Variants in ARMC8 observed in about 807,000 individuals in gnomAD.
ARMC8 encodes armadillo repeat-containing protein 8.
ARMC8 carries 20 observed loss-of-function variants against 99.3 expected under a neutral mutation model. The ratio of observed to expected loss-of-function variants is 0.20; its 90% CI spans 0.14 to 0.29. ARMC8 has a LOEUF of 0.29. Ranked by LOEUF, ARMC8 falls within the 10% of genes least tolerant of loss-of-function variation. ARMC8 has a pLI of 1.00. For missense variants in ARMC8, 569 were observed against 809.5 expected (o/e 0.70, Z 3.60); for synonymous variants, 263 against 278.3 (o/e 0.95, Z 0.55).
At chr3:138,268,081 A>G (rs2048442698) in intron 15 of ARMC8, among the ~76,000 whole-genome samples, 1 of 152,210 alleles carries the variant, frequency 6.6e-6, no homozygotes, top group South Asian at 2.1e-4. Flanking sequence ...CATCTCTGCT[A>G]AAAGTACAAA....
chr3:138,231,960 G>GC (rs2046060802), intron 6 of ARMC8, among the ~76,000 whole-genome samples: 5 of 65,916 alleles, frequency 7.6e-5, no homozygotes, highest in Non-Finnish European at 2.7e-5. Context: ...CCTTGCAATT[G>GC]CTTTTTTTTT....
In ARMC8 at chr3:138,284,413, C is replaced by T; in HGVS notation, c.1726-18C>T. ...ACTTCAGAGCTTTCCTGACTGTTGG[C>T]CCTTTGTTCTTTTCCAGACACTGTG... On this transcript the variant is annotated intron_variant, in intron 18 of 21. Transcript: ENST00000469044. 1 of 1,595,156 alleles carries T rather than the reference C, an allele frequency of 6.3e-7. No individual in the cohort carries two copies. Among genetic ancestry groups the T allele is most frequent in the Non-Finnish European group, 8.6e-7 (1 of 1,163,134 alleles).
chr3:138,206,925 A>G (rs2044402363), intron 1 of ARMC8, among the ~76,000 whole-genome samples: 1 of 152,232 alleles, frequency 6.6e-6, no homozygotes, highest in African/African-American at 2.4e-5. Context: ...GCTCTGCCTT[A>G]ATGTCCTCTT....
chr3:138,253,606 T>C (rs1192833604), intron 12 of ARMC8, among the ~76,000 whole-genome samples: 2 of 152,234 alleles, frequency 1.3e-5, no homozygotes, highest in Non-Finnish European at 2.9e-5. Flanking sequence ...CTTAATAGTT[T>C]GTCCTAGCTG....
At chr3:138,260,567 A>G (rs901830547) in intron 12 of ARMC8, among the ~76,000 whole-genome samples, 10 of 152,186 alleles carry the variant, frequency 6.6e-5, no homozygotes, top group African/African-American at 2.4e-4. Flanking sequence ...AGCCCATACT[A>G]AGCTTGTAGA....
At position 138,187,462 on chromosome 3, in the gene ARMC8, T is replaced by C; in HGVS notation, c.-93T>C. The C allele has an allele frequency of 7.4e-7, 1 of 1,359,720 alleles. No individual in the cohort carries two copies. The highest frequency in any genetic ancestry group is 1.0e-6 in the Non-Finnish European group (1 of 989,550). 84.2% of individuals were successfully genotyped at this position (1,359,720 alleles called of 1,614,324 possible). A position where few individuals can be genotyped will look rare whatever the true frequency, so the allele number is the denominator to read the frequency against. On this transcript the variant is annotated 5_prime_UTR_variant, in exon 1 of 22. Transcript: ENST00000469044. ...CAGTTCTCGTCTATCTGGCTGCCTTTAGGGAGCGGTGCCTAGCGTTGGCCA... is the reference window on the plus strand; with the variant it reads ...CAGTTCTCGTCTATCTGGCTGCCTTCAGGGAGCGGTGCCTAGCGTTGGCCA...
chr3:138,236,690 T>A (rs1469209005), intron 7 of ARMC8, among the ~76,000 whole-genome samples: 24 of 151,008 alleles, frequency 1.6e-4, no homozygotes, highest in Non-Finnish European at 5.9e-5. Context: ...ATGTGTAGAC[T>A]CAGACTTAGA....
At chr3:138,250,156 A>G (rs1373200578) in intron 12 of ARMC8, among the ~76,000 whole-genome samples, 1 of 152,256 alleles carries the variant, frequency 6.6e-6, no homozygotes, top group South Asian at 2.1e-4. Context: ...AAAGCAAAGA[A>G]CAAGAATTTG....
chr3:138,229,211 A>AC, intron 6 of ARMC8, among the ~76,000 whole-genome samples: 1 of 128,686 alleles, frequency 7.8e-6, no homozygotes, highest in African/African-American at 3.0e-5. Context: ...TGTATATATA[A>AC]AATATATATA....
intron 15 of ARMC8, among the ~76,000 whole-genome samples, chr3:138,269,440 A>G (rs933472212): frequency 3.9e-5 from 6 of 152,322 alleles, no homozygotes; most frequent in Admixed American, 3.9e-4. Flanking sequence ...TTAGATGTAA[A>G]ATGTGGCATG....
At chr3:138,223,593 A>G (rs752396668) in intron 4 of ARMC8, 43 bp from the exon 5 acceptor site, 3 of 1,613,760 alleles carry the variant, frequency 1.9e-6, no homozygotes, top group Admixed American at 3.3e-5. Flanking sequence ...TGCTTTAAAT[A>G]CTGGTTGAAA....
chr3:138,216,313 T>C (rs946790806), intron 2 of ARMC8, among the ~76,000 whole-genome samples: 1 of 152,184 alleles, frequency 6.6e-6, no homozygotes, highest in Admixed American at 6.5e-5. Flanking sequence ...AATGCCCAAG[T>C]TGATTTGAGC....
rs974401114 is a variant in ARMC8 at position 138,262,319 on chromosome 3, A to G, written c.1135-1420A>G. 6 of 543,846 alleles carry G rather than the reference A, an allele frequency of 1.1e-5. No homozygotes were observed. The African/African-American group carries it at 1.1e-4, about 10-fold the overall frequency. The allele number at this position is 543,846 out of a possible 1,614,324, so 33.7% of individuals were successfully genotyped here. A position where few individuals can be genotyped will look rare whatever the true frequency, so the allele number is the denominator to read the frequency against. Reference sequence around the variant, plus strand: ...ATGGAATTAGGTTTGGTCTAGGGCGAGGAGTAGATCAATATGTAAATGTTT... The same window carrying G: ...ATGGAATTAGGTTTGGTCTAGGGCGGGGAGTAGATCAATATGTAAATGTTT... On this transcript the variant is annotated intron_variant, in intron 12 of 21. Coordinates refer to ENST00000469044, the MANE Select transcript of ARMC8 (RefSeq NM_001363941.2).
chr3:138,243,280 C>G (rs1439203305), intron 11 of ARMC8, among the ~76,000 whole-genome samples: 1 of 152,120 alleles, frequency 6.6e-6, no homozygotes, highest in African/African-American at 2.4e-5. Flanking sequence ...ACTGTAACAA[C>G]AATAATCCTT....
intron 6 of ARMC8, among the ~76,000 whole-genome samples, chr3:138,232,612 A>C (rs577947699): frequency 5.3e-5 from 8 of 152,366 alleles, no homozygotes; most frequent in African/African-American, 1.9e-4. Flanking sequence ...AAAGTTTAGA[A>C]CATTCATATA....
intron 21 of ARMC8, among the ~76,000 whole-genome samples, chr3:138,291,081 A>G (rs1560059889): frequency 1.3e-5 from 2 of 152,206 alleles, no homozygotes; most frequent in South Asian, 2.1e-4. Context: ...AGAGCTCATC[A>G]TTTCCTGGTA....
chr3:138,284,307 G>T, intron 18 of ARMC8, 124 bp from the exon 19 acceptor site: 1 of 694,464 alleles, frequency 1.4e-6, no homozygotes, highest in Non-Finnish European at 2.6e-6. Context: ...AGAAATCAGG[G>T]CATTGAGAGT....
chr3:138,204,582 T>C (rs1402814581), intron 1 of ARMC8, among the ~76,000 whole-genome samples: 1 of 152,232 alleles, frequency 6.6e-6, no homozygotes, highest in Non-Finnish European at 1.5e-5. Flanking sequence ...AAGCAGGCTT[T>C]GGCCCCACTG....
intron 19 of ARMC8, among the ~76,000 whole-genome samples, chr3:138,286,452 C>T (rs1044314168): frequency 3.9e-5 from 6 of 152,204 alleles, no homozygotes; most frequent in Non-Finnish European, 7.3e-5. Context: ...ACCCAGCTGA[C>T]TATTTCCTCC....
Sources: gnomAD v4.1 joint callset for allele counts (sites outside exome capture counted in the v4.1 genomes callset) on GRCh38, gnomAD v4.1.1 for gene constraint, MANE v1.5 for transcripts, NCBI Gene and HGNC (gene_info 2026-07-23, HGNC 2026-07-21) for gene names.